ARFIP1: variants seen among roughly 807,000 people sequenced by gnomAD.
The protein encoded by ARFIP1 is arfaptin-1.
ARFIP1 carries 24 observed loss-of-function variants against 42.5 expected under a neutral mutation model. The ratio of observed to expected loss-of-function variants is 0.57; its 90% CI spans 0.41 to 0.80. The LOEUF (loss-of-function observed/expected upper bound fraction) is 0.80, where lower values mean the gene tolerates loss of function less well. Ranked by LOEUF, ARFIP1 falls within the 30% of genes least tolerant of loss-of-function variation. The pLI, the probability that ARFIP1 is intolerant of heterozygous loss-of-function variation, is 0.00. For missense variants in ARFIP1, 354 were observed against 434.0 expected, an observed-to-expected ratio of 0.82 and a Z score of 1.64; for synonymous variants, 141 against 153.7, an observed-to-expected ratio of 0.92 and a Z score of 0.61.
Position 152,870,768 on chromosome 4 carries a change from C to T in ARFIP1, c.218C>T (p.Pro73Leu). 1.2e-6 allele frequency: 2 copies of T among 1,614,008 alleles called. No homozygotes were observed. The highest frequency in any genetic ancestry group is 1.7e-6 in the Non-Finnish European group (2 of 1,179,892). Residue 73 changes from proline (P) to leucine (L), a missense_variant, in exon 4 of 9, where the codon CCA (proline) becomes CTA (leucine). By Grantham distance (98) the Pro-to-Leu change is moderately conservative. Coordinates refer to ENST00000353617, the MANE Select transcript of ARFIP1 (RefSeq NM_001025595.3). ...AGAFQGSPAP[P>L]LPSVMSPSRV... ...ACCTTTTCAGGTTCCCCAGCACCGCCACTGCCATCTGTTATGTCTCCTAGC... is the reference window on the plus strand; with the variant it reads ...ACCTTTTCAGGTTCCCCAGCACCGCTACTGCCATCTGTTATGTCTCCTAGC...
intron 5 of ARFIP1, 136 bp from the exon 6 acceptor site, chr4:152,880,827 C>G (rs1010602914): frequency 3.1e-6 from 2 of 639,612 alleles, no homozygotes; most frequent in Non-Finnish European, 5.5e-6. Flanking sequence ...GAGTCCTGAT[C>G]AAGTAAGGGA....
At chr4:152,861,518 TA>T (rs1733894801) in intron 2 of ARFIP1, among the ~76,000 whole-genome samples, 1 of 152,214 alleles carries the variant, frequency 6.6e-6, no homozygotes, top group South Asian at 2.1e-4. Context: ...CAAGTACATT[TA>T]AGGAGTACAT....
chr4:152,788,461 C>T (rs1730944386), intron 1 of ARFIP1, among the ~76,000 whole-genome samples: 1 of 152,226 alleles, frequency 6.6e-6, no homozygotes, highest in African/African-American at 2.4e-5. Flanking sequence ...AGGTGGATTG[C>T]TTCAGCTCAG....
intron 2 of ARFIP1, among the ~76,000 whole-genome samples, chr4:152,853,905 CTTTTT>C (rs36055484): frequency 1.3e-5 from 1 of 74,740 alleles, no homozygotes. Flanking sequence ...TTCTGAGATT[CTTTTT>C]TTTTTTTTTT....
chr4:152,842,251 G>C (rs1023854637), intron 2 of ARFIP1, among the ~76,000 whole-genome samples: 3 of 150,962 alleles, frequency 2.0e-5, no homozygotes, highest in Non-Finnish European at 4.4e-5. Context: ...CCAAGCATTC[G>C]AGCCAGCAAT....
intron 1 of ARFIP1, among the ~76,000 whole-genome samples, chr4:152,813,386 C>G (rs1451229443): frequency 2.6e-5 from 4 of 152,126 alleles, no homozygotes; most frequent in Non-Finnish European, 5.9e-5. Flanking sequence ...CTCTTGCTTT[C>G]TTATTCCTTT....
At chr4:152,839,132 C>A (rs1030483091) in intron 2 of ARFIP1, among the ~76,000 whole-genome samples, 8 of 152,086 alleles carry the variant, frequency 5.3e-5, no homozygotes, top group Admixed American at 5.2e-4. Context: ...GTATGAAACC[C>A]ACTTGATCAT....
intron 1 of ARFIP1, among the ~76,000 whole-genome samples, chr4:152,794,674 G>A (rs1444975351): frequency 6.6e-6 from 1 of 152,154 alleles, no homozygotes; most frequent in African/African-American, 2.4e-5. Context: ...CTTGTCTGCA[G>A]TATTTGTGAT....
chr4:152,852,405 C>T (rs995519829), intron 2 of ARFIP1, among the ~76,000 whole-genome samples: 31 of 152,078 alleles, frequency 2.0e-4, no homozygotes, highest in Admixed American at 7.2e-4. Context: ...CTGAGGCGGG[C>T]GGATTGTCAG....
chr4:152,793,576 T>C (rs142783489), intron 1 of ARFIP1, among the ~76,000 whole-genome samples: 188 of 152,224 alleles, frequency 1.2e-3, no homozygotes, highest in African/African-American at 4.3e-3. Flanking sequence ...TGATAAAGTT[T>C]AATTTGTAAA....
At chr4:152,833,985 C>T (rs1731448456) in intron 2 of ARFIP1, among the ~76,000 whole-genome samples, 1 of 152,176 alleles carries the variant, frequency 6.6e-6, no homozygotes, top group African/African-American at 2.4e-5. Context: ...ATGATGCCAA[C>T]ATCTGCTCAG....
intron 1 of ARFIP1, among the ~76,000 whole-genome samples, chr4:152,825,372 A>G (rs1730749825): frequency 6.6e-6 from 1 of 152,208 alleles, no homozygotes; most frequent in Non-Finnish European, 1.5e-5. Context: ...ATAATAGAAC[A>G]GAATAGGGAA....
At chr4:152,863,737 A>C (rs749541326) in intron 3 of ARFIP1, 23 bp downstream of exon 3, 26 of 1,498,330 alleles carry the variant, frequency 1.7e-5, no homozygotes, top group Non-Finnish European at 2.4e-5. Context: ...ATATTTGTAA[A>C]GATGGCTGGG....
At chr4:152,795,992 C>A in intron 1 of ARFIP1, 1 of 567,858 alleles carries the variant, frequency 1.8e-6, no homozygotes, top group South Asian at 1.8e-5. Context: ...TGGTAGTACT[C>A]AGAAACATTA....
intron 8 of ARFIP1, among the ~76,000 whole-genome samples, chr4:152,904,563 G>A (rs545708473): frequency 7.9e-5 from 12 of 152,056 alleles, no homozygotes; most frequent in East Asian, 3.9e-4. Flanking sequence ...GCAACCCCCC[G>A]ACAGGCCCCA....
At chr4:152,853,249 G>A (rs1733140490) in intron 2 of ARFIP1, among the ~76,000 whole-genome samples, 1 of 152,140 alleles carries the variant, frequency 6.6e-6, no homozygotes, top group Admixed American at 6.5e-5. Context: ...TCATTTATGT[G>A]TTTGCTTTAC....
At chr4:152,796,148 C>T in intron 1 of ARFIP1, 1 of 748,478 alleles carries the variant, frequency 1.3e-6, no homozygotes, top group Non-Finnish European at 2.5e-6. Flanking sequence ...ACTTTGCCTC[C>T]CTGTGTCACA....
chr4:152,899,729 G>A lies in ARFIP1; in HGVS notation c.967-10335G>A, dbSNP rs1035549558. Among the ~76,000 whole-genome samples the A allele has an allele frequency of 4.6e-5, 7 of 152,016 alleles. No individual in the cohort carries two copies. The East Asian group carries it at 5.8e-4, about 13-fold the overall frequency. ...CCCCTAGAGGTGCTCCATGGAGCAC[G>A]GCCTTCCTACATTGAGTATTGAGTT... On this transcript the variant is annotated intron_variant, in intron 8 of 8. Transcript: ENST00000353617.
chr4:152,898,136 C>A (rs1737509776), intron 8 of ARFIP1, among the ~76,000 whole-genome samples: 2 of 151,916 alleles, frequency 1.3e-5, no homozygotes, highest in South Asian at 4.2e-4. Flanking sequence ...GCGCCCACCA[C>A]AACGCCCAGC....
Sources: gnomAD v4.1 joint callset for allele counts (sites outside exome capture counted in the v4.1 genomes callset) on GRCh38, gnomAD v4.1.1 for gene constraint, MANE v1.5 for transcripts, NCBI Gene and HGNC (gene_info 2026-07-23, HGNC 2026-07-21) for gene names.